ANKS1B: variants seen among roughly 807,000 people sequenced by gnomAD.
ANKS1B encodes the protein ankyrin repeat and sterile alpha motif domain-containing protein 1B.
A neutral mutation model predicts 148.3 loss-of-function variants in ANKS1B; 36 were observed. That is an observed-to-expected ratio of 0.24 (90% CI 0.19 to 0.32). The LOEUF is 0.32. ANKS1B is among the 10% of genes least tolerant of loss of function. The pLI is 1.00. For missense variants in ANKS1B, 1,157 were observed against 1,542.6 expected, an observed-to-expected ratio of 0.75 and a Z score of 4.19; for synonymous variants, 542 against 560.8, an observed-to-expected ratio of 0.97 and a Z score of 0.47.
intron 9 of ANKS1B, among the ~76,000 whole-genome samples, chr12:99,566,899 C>G (rs1199382997): frequency 6.6e-6 from 1 of 152,200 alleles, no homozygotes; most frequent in African/African-American, 2.4e-5. Context: ...CATTTCCTAG[C>G]CTTTGTCTAC....
chr12:99,077,024 C>T (rs1054260566), intron 16 of ANKS1B, among the ~76,000 whole-genome samples: 11 of 151,832 alleles, frequency 7.2e-5, no homozygotes, highest in African/African-American at 2.7e-4. Context: ...ATCTGTTTTG[C>T]ACCCCCGGCA....
chr12:98,902,582 A>G (rs561455643), intron 17 of ANKS1B, among the ~76,000 whole-genome samples: 12 of 152,290 alleles, frequency 7.9e-5, no homozygotes, highest in African/African-American at 2.9e-4. Flanking sequence ...TAATATACAG[A>G]AAAAAAGTCC....
At chr12:99,544,143 T>C (rs530051829) in intron 9 of ANKS1B, among the ~76,000 whole-genome samples, 5 of 152,300 alleles carry the variant, frequency 3.3e-5, no homozygotes, top group South Asian at 4.1e-4. Flanking sequence ...AAAACTACCT[T>C]GTGTTTGGAT....
Position 99,116,455 on chromosome 12 carries a change from G to A in ANKS1B, c.2527-31432C>T, listed in dbSNP as rs75491786. 3.4e-3 allele frequency among the ~76,000 whole-genome samples: 511 copies of A among 152,228 alleles called. 1 individual carries two copies. The highest frequency in any genetic ancestry group is 0.01 in the Middle Eastern group (3 of 294). ...ATTGTGGTGATCATTTTATTAACTAGTACATATAAGGCATCTAGTGCTTGG... is the reference window on the plus strand; with the variant it reads ...ATTGTGGTGATCATTTTATTAACTAATACATATAAGGCATCTAGTGCTTGG... On this transcript the variant is annotated intron_variant, in intron 15 of 26. Transcript: ENST00000683438.
chr12:99,741,078 C>T (rs2060053514), intron 8 of ANKS1B, among the ~76,000 whole-genome samples: 1 of 151,876 alleles, frequency 6.6e-6, no homozygotes, highest in Admixed American at 6.6e-5. Flanking sequence ...TGTGGTGGCG[C>T]GTACATGTAA....
intron 8 of ANKS1B, among the ~76,000 whole-genome samples, chr12:99,747,645 T>C (rs552450724): frequency 2.4e-4 from 37 of 152,118 alleles, no homozygotes; most frequent in Non-Finnish European, 4.9e-4. Flanking sequence ...TCTCTTCTCC[T>C]ATACATCAGT....
In ANKS1B at chr12:99,183,419, G is replaced by A. The variant is rs570348053; in HGVS notation, c.2420-29024C>T. Reference sequence around the variant, plus strand: ...AGCACTTTGGGAGGCCAAGGCGGGCGGATCATGAGGTCAGGAGTTTGAGAC... The same window carrying A: ...AGCACTTTGGGAGGCCAAGGCGGGCAGATCATGAGGTCAGGAGTTTGAGAC... On this transcript the variant is annotated intron_variant, in intron 14 of 26. Transcript: ENST00000683438. Among the ~76,000 whole-genome samples, 39 of 152,254 alleles carry A rather than the reference G, an allele frequency of 2.6e-4. No individual in the cohort carries two copies. In the South Asian group the frequency reaches 7.3e-3, roughly 28 times the overall value.
intron 16 of ANKS1B, among the ~76,000 whole-genome samples, chr12:99,074,665 C>G (rs1374660602): frequency 6.6e-6 from 1 of 152,186 alleles, no homozygotes; most frequent in Non-Finnish European, 1.5e-5. Flanking sequence ...CTAGGAAATG[C>G]AGGCCGCCAG....
Position 99,541,779 on chromosome 12 carries a change from T to A in ANKS1B, c.1273-37138A>T, listed in dbSNP as rs13328937. Among the ~76,000 whole-genome samples, 1,507 of 151,846 alleles carry A rather than the reference T, an allele frequency of 9.9e-3. 14 individuals carry two copies. The highest frequency in any genetic ancestry group is 0.035 in the African/African-American group (1,439 of 41,356). On this transcript the variant is annotated intron_variant, in intron 9 of 26. Transcript: ENST00000683438. ...CTGAGGCAGAAGAACCACTTGAACC[T>A]GCGGAGCGGAGGTTGCAGTGAGCCG...
intron 1 of ANKS1B, among the ~76,000 whole-genome samples, chr12:99,882,343 A>G (rs2092566968): frequency 1.3e-5 from 2 of 152,206 alleles, no homozygotes; most frequent in African/African-American, 4.8e-5. Flanking sequence ...TATAGTACAA[A>G]GAAAAACAAT....
At chr12:99,617,343 G>A (rs780555920) in intron 9 of ANKS1B, among the ~76,000 whole-genome samples, 1 of 152,170 alleles carries the variant, frequency 6.6e-6, no homozygotes, top group Non-Finnish European at 1.5e-5. Flanking sequence ...ACACATGGAT[G>A]TTTATTGTAG....
rs11109957 is a variant in ANKS1B, at chr12:99,633,698, C to A, written c.1272+21369G>T. Among the ~76,000 whole-genome samples, 1,470 of 152,212 alleles carry A rather than the reference C, an allele frequency of 9.7e-3. 23 individuals carry two copies. The highest frequency in any genetic ancestry group is 0.033 in the African/African-American group (1,367 of 41,508). ...AGAAACTACCATCAGAGTGAACAGG[C>A]AACCTAAAGAATGGGAGAAAAATTT... On this transcript the variant is annotated intron_variant, in intron 9 of 26. Transcript: ENST00000683438.
intron 12 of ANKS1B, among the ~76,000 whole-genome samples, chr12:99,261,918 C>T (rs1385087509): frequency 2.6e-5 from 4 of 152,048 alleles, no homozygotes; most frequent in African/African-American, 9.7e-5. Context: ...GATACTCTGC[C>T]CCAATTCTCT....
chr12:99,830,503 A>G (rs1426314830), intron 1 of ANKS1B, among the ~76,000 whole-genome samples: 1 of 152,092 alleles, frequency 6.6e-6, no homozygotes, highest in East Asian at 1.9e-4. Flanking sequence ...ACATACTACC[A>G]ATTATGAAAG....
intron 14 of ANKS1B, among the ~76,000 whole-genome samples, chr12:99,163,052 T>G (rs1480195221): frequency 6.6e-6 from 1 of 150,784 alleles, no homozygotes; most frequent in African/African-American, 2.4e-5. Flanking sequence ...AGCGAGACTC[T>G]GTCAAAAAAA....
At chr12:99,566,785 A>G (rs2097399232) in intron 9 of ANKS1B, among the ~76,000 whole-genome samples, 1 of 152,172 alleles carries the variant, frequency 6.6e-6, no homozygotes, top group Non-Finnish European at 1.5e-5. Flanking sequence ...ATAACCATGA[A>G]CTAAATAAAC....
intron 10 of ANKS1B, among the ~76,000 whole-genome samples, chr12:99,448,030 G>A (rs1358693911): frequency 6.6e-6 from 1 of 152,022 alleles, no homozygotes. Context: ...AGCCATTAGA[G>A]AGAATAGTAT....
At chr12:99,387,271 G>C (rs1050721839) in intron 12 of ANKS1B, among the ~76,000 whole-genome samples, 1 of 152,156 alleles carries the variant, frequency 6.6e-6, no homozygotes, top group East Asian at 1.9e-4. Flanking sequence ...GGGCACTTGG[G>C]AGGTGATTAG....
At chr12:99,577,645 T>C (rs1401895660) in intron 9 of ANKS1B, among the ~76,000 whole-genome samples, 1 of 151,938 alleles carries the variant, frequency 6.6e-6, no homozygotes, top group Non-Finnish European at 1.5e-5. Flanking sequence ...CCTGGAAACA[T>C]ACAACCTCCC....
Sources: allele counts gnomAD v4.1 joint callset (sites outside exome capture counted in the v4.1 genomes callset), GRCh38; gene constraint gnomAD v4.1.1; transcripts MANE v1.5; gene names NCBI Gene and HGNC (gene_info 2026-07-23, HGNC 2026-07-21).